Variants in RNF139 observed in about 807,000 individuals in gnomAD.
RNF139 encodes the protein E3 ubiquitin-protein ligase RNF139.
A neutral mutation model predicts 49.5 loss-of-function variants in RNF139; 15 were observed. The observed-to-expected ratio is 0.30, with a 90% confidence interval of 0.20 to 0.47. The LOEUF (loss-of-function observed/expected upper bound fraction) is 0.47. Among genes scored for constraint, RNF139 ranks in the 20% least tolerant of loss-of-function variants. The pLI, the probability that RNF139 is intolerant of heterozygous loss-of-function variation, is 1.00. For synonymous variants in RNF139, 325 were observed against 300.9 expected, an observed-to-expected ratio of 1.08 and a Z score of -0.83; for missense variants, 619 against 806.3, an observed-to-expected ratio of 0.77 and a Z score of 2.81.
intron 1 of RNF139, chr8:124,483,470 T>A (rs1816483560): frequency 6.6e-6 from 1 of 152,074 alleles, no homozygotes; most frequent in Non-Finnish European, 1.5e-5. Flanking sequence ...AGACAGGGTC[T>A]CACTGTCACC....
Position 124,487,501 on chromosome 8 carries a change from G to C in RNF139, c.1852G>C (p.Val618Leu), listed in dbSNP as rs1353783067. Residue 618 changes from valine to leucine, a missense_variant, in exon 2 of 2, where the codon GTA becomes CTA. Val to Leu is a conservative substitution (Grantham distance 32). Around this residue, in one of 2 missense-constraint regions of RNF139, gnomAD observed 530 missense variants for 728.9 expected, o/e 0.73. Transcript: ENST00000303545. ...ACCCAATGAAACTCCAGAGGAAGCT[G>C]TAAGAGAAGCTGCTGCTGAATCTGA... is the stretch of plus-strand genomic sequence containing the variant. ...IPPNETPEEA[V>L]REAAAESDRE... is the part of the protein sequence containing the mutation. The C allele has an allele frequency of 1.9e-6, 3 of 1,613,954 alleles. No homozygotes were observed. Among genetic ancestry groups the C allele is most frequent in the East Asian group, 2.2e-5 (1 of 44,888 alleles).
chr8:124,483,114 A>G (rs1402763043), intron 1 of RNF139, among the ~76,000 whole-genome samples: 1 of 95,424 alleles, frequency 1.0e-5, no homozygotes, highest in Non-Finnish European at 2.0e-5. Context: ...TATATTAAAA[A>G]TATATATATT....
intron 1 of RNF139, among the ~76,000 whole-genome samples, chr8:124,478,338 C>T (rs761937797): frequency 6.6e-5 from 10 of 152,020 alleles, no homozygotes; most frequent in South Asian, 2.1e-4. Flanking sequence ...CTGTCAAGAC[C>T]GCTTACGGTG....
chr8:124,483,774 A>G (rs1247597575), intron 1 of RNF139, among the ~76,000 whole-genome samples: 3 of 152,178 alleles, frequency 2.0e-5, no homozygotes, highest in Non-Finnish European at 2.9e-5. Flanking sequence ...TCTGTACTCC[A>G]GGGTATGGTT....
intron 1 of RNF139, among the ~76,000 whole-genome samples, chr8:124,475,602 A>G (rs1816301161): frequency 1.3e-5 from 2 of 152,350 alleles, no homozygotes; most frequent in South Asian, 2.1e-4. Context: ...ACCGCGTCCT[A>G]TGCGACAGCC....
At chr8:124,483,113 A>ATATATTTTT (rs1165688842) in intron 1 of RNF139, among the ~76,000 whole-genome samples, 1 of 514 alleles carries the variant, frequency 1.9e-3, no homozygotes. Context: ...ATATATTAAA[A>ATATATTTTT]ATATATATAT....
rs143256082 is a variant in RNF139 at position 124,486,504 on chromosome 8, C to T, written c.855C>T (p.Cys285=). ...DLICNLIISG[C]DSTLTVLGMS... is the part of the protein sequence containing the mutation. ...TTTGCAATCTTATAATTAGTGGGTG[C>T]GATTCTACACTAACTGTACTGGGCA... is the stretch of plus-strand genomic sequence containing the variant. Residue 285 remains cysteine (C), a synonymous_variant, in exon 2 of 2, where the codon TGC becomes TGT. Transcript: ENST00000303545. 5.6e-4 allele frequency: 897 copies of T among 1,613,858 alleles called. No homozygotes were observed. The highest frequency in any genetic ancestry group is 7.0e-4 in the Non-Finnish European group (822 of 1,179,872).
Sources: gnomAD v4.1 joint callset for allele counts (sites outside exome capture counted in the v4.1 genomes callset) on GRCh38, gnomAD v4.1.1 for gene constraint, gnomAD v4.1.1 regional missense constraint, MANE v1.5 for transcripts, NCBI Gene and HGNC (gene_info 2026-07-23, HGNC 2026-07-21) for gene names.